Variants in PLG observed in about 807,000 individuals in gnomAD.
PLG encodes the protein plasmin.
Under a neutral mutation model 104.4 loss-of-function variants are expected in PLG, and 41 were observed. That is an observed-to-expected ratio of 0.39 (90% CI 0.31 to 0.51). The LOEUF is 0.51. Among genes scored for constraint, PLG ranks in the 20% least tolerant of loss-of-function variants. PLG has a pLI of 0.76. For missense variants in PLG, 891 were observed against 1,003.6 expected (o/e 0.89, Z 1.52); for synonymous variants, 337 against 357.1 (o/e 0.94, Z 0.63).
chr6:160,730,893 T>C, intron 10 of PLG, 158 bp from the exon 11 acceptor site: 1 of 702,370 alleles, frequency 1.4e-6, no homozygotes, highest in South Asian at 1.8e-5. Context: ...TGTTTAGAAG[T>C]TGAGGACCAT....
chr6:160,748,404 G>GAA (rs71033591), intron 17 of PLG, among the ~76,000 whole-genome samples: 943 of 59,850 alleles, frequency 0.016, 105 homozygotes, highest in Non-Finnish European at 0.019. Flanking sequence ...AAGAAAGGAA[G>GAA]AAAGAAAGAA....
At chr6:160,720,697 G>A (rs1777816195) in intron 9 of PLG, among the ~76,000 whole-genome samples, 1 of 152,070 alleles carries the variant, frequency 6.6e-6, no homozygotes, top group Non-Finnish European at 1.5e-5. Flanking sequence ...GACAGTACAG[G>A]TGTGAGCAAC....
At chr6:160,733,100 C>A (rs1285921848) in intron 12 of PLG, among the ~76,000 whole-genome samples, 1 of 152,170 alleles carries the variant, frequency 6.6e-6, no homozygotes, top group Non-Finnish European at 1.5e-5. Flanking sequence ...AAGATGCTCC[C>A]TTCACTCAGG....
At chr6:160,712,383 C>T (rs1431084320) in intron 4 of PLG, 1 of 156,274 alleles carries the variant, frequency 6.4e-6, no homozygotes, top group East Asian at 1.9e-4. Context: ...ATTCAAGCTG[C>T]ATTTCAGAGA....
chr6:160,713,130 G>C lies in PLG; in HGVS notation c.547+5G>C. 1 of 1,608,182 alleles carries C rather than the reference G, an allele frequency of 6.2e-7. No homozygotes were observed. Among genetic ancestry groups the C allele is most frequent in the South Asian group, 1.1e-5 (1 of 90,908 alleles). On this transcript the variant is annotated splice_donor_5th_base_variant and intron_variant, in intron 5 of 18. Transcript: ENST00000308192. ...GCGACATTCTTGAGTGTGAAGGTCAGGAGTGGTTCTAGAAAATGTTTTCAT... is the reference window on the plus strand; with the variant it reads ...GCGACATTCTTGAGTGTGAAGGTCACGAGTGGTTCTAGAAAATGTTTTCAT...
chr6:160,749,591 CATCACCATT>C (rs1778361900), intron 17 of PLG, among the ~76,000 whole-genome samples: 1 of 151,520 alleles, frequency 6.6e-6, no homozygotes, highest in Non-Finnish European at 1.5e-5. Flanking sequence ...ATTCCACCAC[CATCACCATT>C]ATCATCACTA....
chr6:160,731,784 G>A lies in PLG; in HGVS notation c.1478G>A (p.Arg493Lys). 6.2e-7 allele frequency: 1 copy of A among 1,613,948 alleles called. No homozygotes were observed. The highest frequency in any genetic ancestry group is 8.5e-7 in the Non-Finnish European group (1 of 1,179,858). The change falls in exon 12 of 19, where the codon AGG becomes AAG. Residue 493 changes from arginine (R) to lysine (K), a missense_variant. Arg to Lys is a conservative substitution (Grantham distance 26). Transcript: ENST00000308192. This position sits in a 1 kb window ranked among gnomAD's most constrained non-coding sequence, Gnocchi z 5.1. ...FGNGKGYRGK[R>K]ATTVTGTPCQ... ...AATGGGAAAGGATACCGAGGCAAGA[G>A]GGCGACCACTGTTACTGGGACGCCA...
intron 9 of PLG, among the ~76,000 whole-genome samples, chr6:160,720,898 T>C (rs565980304): frequency 3.3e-5 from 5 of 152,342 alleles, no homozygotes; most frequent in South Asian, 2.1e-4. Context: ...GTTCTCTTTT[T>C]TTTTCAGTAA....
intron 7 of PLG, among the ~76,000 whole-genome samples, chr6:160,717,983 G>A (rs1211726248): frequency 6.6e-6 from 1 of 152,174 alleles, no homozygotes; most frequent in African/African-American, 2.4e-5. Flanking sequence ...TGGGCACGGT[G>A]GCTCACGCCT....
chr6:160,711,346 C>T (rs776973067), intron 4 of PLG, 155 bp downstream of exon 4: 14 of 742,300 alleles, frequency 1.9e-5, no homozygotes, highest in African/African-American at 1.8e-4. Context: ...AACCTACATA[C>T]CTTCTCTTGT....
chr6:160,708,294 G>T (rs1192368903), intron 3 of PLG: 3 of 154,020 alleles, frequency 1.9e-5, no homozygotes, highest in African/African-American at 7.2e-5. Flanking sequence ...CATTTTGGGG[G>T]ACATGGTCTA....
rs956930594 is a variant in PLG at position 160,711,059 on chromosome 6, G to A, written c.293-18G>A. On this transcript the variant is annotated intron_variant, in intron 3 of 18. Transcript: ENST00000308192. ...TGTCTTGTGAAAGACTTTGACCACT[G>A]TGTGGACTTCCCTTCAGTGTATCTC... The A allele has an allele frequency of 6.2e-7, 1 of 1,612,554 alleles. No individual in the cohort carries two copies. The highest frequency in any genetic ancestry group is 1.3e-5 in the African/African-American group (1 of 74,868).
chr6:160,705,296 T>C (rs1345874993), intron 1 of PLG: 1 of 149,880 alleles, frequency 6.7e-6, no homozygotes, highest in East Asian at 1.9e-4. Context: ...GGGGACACCC[T>C]GTAGCCTTGT....
rs564308132 is a variant in PLG, at chr6:160,713,878, T to TA, written c.547+760dup. ...CTCAAAGGTCAATGCTAAAAAATTT[T>TA]AAAAAAATCCTACTGAAAAAACTGT... is the stretch of plus-strand genomic sequence containing the variant. On this transcript the variant is annotated intron_variant, in intron 5 of 18. Coordinates refer to ENST00000308192, the MANE Select transcript of PLG (RefSeq NM_000301.5). Among the ~76,000 whole-genome samples the TA allele has an allele frequency of 6.2e-4, 95 of 152,234 alleles. No individual in the cohort carries two copies. In the East Asian group the frequency reaches 0.016, roughly 26 times the overall value.
chr6:160,728,158 A>G (rs982940349), intron 10 of PLG, among the ~76,000 whole-genome samples: 2 of 152,050 alleles, frequency 1.3e-5, no homozygotes, highest in African/African-American at 4.8e-5. Context: ...TACACTGCCA[A>G]TGATCAACTG....
At chr6:160,711,346 C>G (rs776973067) in intron 4 of PLG, 155 bp downstream of exon 4, 8 of 742,300 alleles carry the variant, frequency 1.1e-5, no homozygotes, top group Non-Finnish European at 1.8e-5. Context: ...AACCTACATA[C>G]CTTCTCTTGT....
intron 9 of PLG, among the ~76,000 whole-genome samples, chr6:160,720,328 G>T (rs1777807011): frequency 6.8e-6 from 1 of 147,996 alleles, no homozygotes; most frequent in Admixed American, 6.7e-5. Flanking sequence ...TAATTTCTTT[G>T]TGTTTAATCT....
intron 1 of PLG, among the ~76,000 whole-genome samples, chr6:160,703,118 G>T (rs1461970057): frequency 2.6e-5 from 4 of 151,962 alleles, no homozygotes; most frequent in Non-Finnish European, 4.4e-5. Flanking sequence ...CATGTTATTT[G>T]CTCAGTGACC....
At position 160,725,209 on chromosome 6, in the gene PLG, AAAAC is replaced by A. The variant is rs369053548; in HGVS notation, c.1256+2666_1256+2669del. Reference sequence around the variant, plus strand: ...CAACCTGGGTGACAGAGCGAGACTCAAAACAAACAAACAAACAAACAAACAAAAA... The same window carrying A: ...CAACCTGGGTGACAGAGCGAGACTCAAAACAAACAAACAAACAAACAAAAA... On this transcript the variant is annotated intron_variant, in intron 10 of 18. Coordinates refer to ENST00000308192, the MANE Select transcript of PLG (RefSeq NM_000301.5). The surrounding 1 kb of genome is among the most constrained non-coding windows in gnomAD (Gnocchi z 6.3). Among the ~76,000 whole-genome samples the A allele has an allele frequency of 5.6e-3, 846 of 152,138 alleles. 8 individuals are homozygous for A. Among genetic ancestry groups the A allele is most frequent in the South Asian group, 0.046 (223 of 4,816 alleles).
Sources: gnomAD v4.1 joint callset for allele counts (sites outside exome capture counted in the v4.1 genomes callset) on GRCh38, gnomAD v4.1.1 for gene constraint, Gnocchi (gnomAD v3.1) non-coding constraint, MANE v1.5 for transcripts, NCBI Gene and HGNC (gene_info 2026-07-23, HGNC 2026-07-21) for gene names.